SH3RF2: variants seen among roughly 807,000 people sequenced by gnomAD.
The protein encoded by SH3RF2 is E3 ubiquitin-protein ligase SH3RF2.
Under a neutral mutation model 59.0 loss-of-function variants are expected in SH3RF2, and 43 were observed. The ratio of observed to expected loss-of-function variants is 0.73; its 90% confidence interval spans 0.57 to 0.94. The LOEUF (loss-of-function observed/expected upper bound fraction) is 0.94, where lower values mean the gene tolerates loss of function less well. SH3RF2 is among the 40% of genes least tolerant of loss of function. The probability of loss-of-function intolerance (pLI) is 0.00; values close to 1 mark genes in which losing one functional copy is unlikely to be tolerated. For synonymous variants in SH3RF2, 391 were observed against 391.5 expected (o/e 1.00, Z 0.01); for missense variants, 930 against 940.1 (o/e 0.99, Z 0.14).
rs5871949 is a variant in SH3RF2 at position 145,986,002 on chromosome 5, CAAATAAATAAATAAAT to C, written c.379-14027_379-14012del. On this transcript the variant is annotated intron_variant, in intron 2 of 9. Coordinates refer to ENST00000359120, the MANE Select transcript of SH3RF2 (RefSeq NM_152550.4). ...CTGGGCAACAGAGCAAGACTTGTCT[CAAATAAATAAATAAAT>C]AAATAAATAAATAAATAAATAAATA... 6.3e-4 allele frequency among the ~76,000 whole-genome samples: 91 copies of C among 144,276 alleles called. No individual in the cohort carries two copies. The East Asian group carries it at 7.9e-3, about 13-fold the overall frequency. The allele number at this position is 144,276 out of a possible 152,430, so 94.7% of individuals were successfully genotyped here. A position where few individuals can be genotyped will look rare whatever the true frequency, so the allele number is the denominator to read the frequency against.
intron 5 of SH3RF2, among the ~76,000 whole-genome samples, chr5:146,043,481 G>A (rs1300950457): frequency 1.3e-5 from 2 of 152,230 alleles, no homozygotes; most frequent in East Asian, 3.9e-4. Flanking sequence ...CTTTACTGAG[G>A]TTTAATTATA....
intron 5 of SH3RF2, among the ~76,000 whole-genome samples, chr5:146,028,877 C>A (rs1479943836): frequency 1.3e-5 from 2 of 152,136 alleles, no homozygotes; most frequent in Admixed American, 1.3e-4. Context: ...CTTGCCTGTG[C>A]CCTGTCCCTG....
intron 2 of SH3RF2, among the ~76,000 whole-genome samples, chr5:145,963,978 GC>G (rs1295306622): frequency 2.6e-5 from 4 of 151,772 alleles, no homozygotes; most frequent in Admixed American, 2.6e-4. Context: ...GACTACAGGC[GC>G]CCGCCACCGC....
chr5:145,956,121 A>G (rs531342978), intron 2 of SH3RF2, among the ~76,000 whole-genome samples: 17 of 152,178 alleles, frequency 1.1e-4, no homozygotes, highest in African/African-American at 3.6e-4. Flanking sequence ...TGAATTTCTC[A>G]TAAGTTCTCA....
At chr5:145,944,358 A>C (rs62393705) in intron 2 of SH3RF2, among the ~76,000 whole-genome samples, 1 of 143,904 alleles carries the variant, frequency 6.9e-6, no homozygotes, top group Non-Finnish European at 1.5e-5. Flanking sequence ...TTTTTTTTAA[A>C]TTATGCTTTA....
chr5:145,998,629 G>A (rs1760264673), intron 2 of SH3RF2, among the ~76,000 whole-genome samples: 1 of 152,164 alleles, frequency 6.6e-6, no homozygotes, highest in African/African-American at 2.4e-5. Flanking sequence ...TATAAAAGTT[G>A]TATTTGGCTG....
chr5:145,938,717 A>C (rs1484969867), intron 2 of SH3RF2, among the ~76,000 whole-genome samples: 1 of 152,230 alleles, frequency 6.6e-6, no homozygotes, highest in East Asian at 1.9e-4. Flanking sequence ...GAAATTTCCA[A>C]ATGTCAGGTT....
chr5:145,961,562 G>A (rs1230417279), intron 2 of SH3RF2, among the ~76,000 whole-genome samples: 9 of 152,180 alleles, frequency 5.9e-5, no homozygotes, highest in Non-Finnish European at 8.8e-5. Context: ...TTGTTAAAAG[G>A]ATTGATCTGA....
intron 2 of SH3RF2, among the ~76,000 whole-genome samples, chr5:145,984,736 T>C (rs1759634567): frequency 6.6e-6 from 1 of 152,224 alleles, no homozygotes; most frequent in Admixed American, 6.5e-5. Context: ...AGTTCAGCTC[T>C]ATAGGCAGGC....
At chr5:146,026,276 T>C (rs1761526768) in intron 5 of SH3RF2, among the ~76,000 whole-genome samples, 1 of 152,326 alleles carries the variant, frequency 6.6e-6, no homozygotes, top group South Asian at 2.1e-4. Flanking sequence ...TATAACATCT[T>C]TGAGCCACAT....
intron 2 of SH3RF2, among the ~76,000 whole-genome samples, chr5:145,943,983 ATG>A (rs749342020): frequency 1.3e-5 from 2 of 152,148 alleles, no homozygotes; most frequent in Non-Finnish European, 2.9e-5. Flanking sequence ...GAGAGAAGAA[ATG>A]TGCCTATTCA....
At chr5:145,946,459 C>G (rs1758009445) in intron 2 of SH3RF2, among the ~76,000 whole-genome samples, 1 of 152,110 alleles carries the variant, frequency 6.6e-6, no homozygotes, top group Non-Finnish European at 1.5e-5. Flanking sequence ...TGAAATAACT[C>G]CTCATTATGC....
intron 8 of SH3RF2, among the ~76,000 whole-genome samples, chr5:146,059,390 C>T (rs1762799006): frequency 6.6e-6 from 1 of 151,962 alleles, no homozygotes; most frequent in African/African-American, 2.4e-5. Flanking sequence ...GTTTTCCTCT[C>T]TCCTCCTCTC....
Position 146,032,794 on chromosome 5 carries a change from G to A in SH3RF2, c.1060-14978G>A, listed in dbSNP as rs186752909. ...AAATCTCTTCTCAGGCGTCTTTGCA[G>A]AGTTCCAGAAATGGGGCAAACCCTT... On this transcript the variant is annotated intron_variant, in intron 5 of 9. Coordinates refer to ENST00000359120, the MANE Select transcript of SH3RF2 (RefSeq NM_152550.4). 3.3e-5 allele frequency among the ~76,000 whole-genome samples: 5 copies of A among 152,338 alleles called. No individual in the cohort carries two copies. The East Asian group carries it at 7.7e-4, about 24-fold the overall frequency.
At chr5:145,938,719 T>C (rs535036951) in intron 2 of SH3RF2, among the ~76,000 whole-genome samples, 2 of 152,352 alleles carry the variant, frequency 1.3e-5, no homozygotes, top group East Asian at 3.9e-4. Flanking sequence ...AATTTCCAAA[T>C]GTCAGGTTTT....
At chr5:145,973,191 G>T (rs1481608143) in intron 2 of SH3RF2, among the ~76,000 whole-genome samples, 1 of 152,150 alleles carries the variant, frequency 6.6e-6, no homozygotes, top group Non-Finnish European at 1.5e-5. Context: ...ATGTGCAAAG[G>T]CTCTAAGGTA....
chr5:146,064,352 C>T (rs1243067589), downstream of SH3RF2, among the ~76,000 whole-genome samples: 1 of 151,810 alleles, frequency 6.6e-6, no homozygotes. Context: ...ATGGAACTGA[C>T]GTGAGCAGGA....
At chr5:146,080,686 T>A (rs920306750) in exon 10 of SH3RF2, 2 of 152,222 alleles carry the variant, frequency 1.3e-5, no homozygotes, top group African/African-American at 4.8e-5. Flanking sequence ...TAATAATCCG[T>A]ATGGATTACT....
chr5:146,060,033 G>A lies in SH3RF2; in HGVS notation c.1723G>A (p.Ala575Thr). Reference sequence around the variant, plus strand: ...GGTGGTGGAGATGGGGTCCAAGCCTGCCCTCACGGGGGAGCCCGCCCTCAC... The same window carrying A: ...GGTGGTGGAGATGGGGTCCAAGCCTACCCTCACGGGGGAGCCCGCCCTCAC... ...AVVVEMGSKP[A>T]LTGEPALTCI... Residue 575 changes from alanine to threonine, a missense_variant, in exon 9 of 10, where the codon GCC becomes ACC. Ala to Thr is a moderately conservative substitution (Grantham distance 58). Transcript: ENST00000359120. 6.2e-7 allele frequency: 1 copy of A among 1,612,012 alleles called. No individual in the cohort carries two copies. The highest frequency in any genetic ancestry group is 8.5e-7 in the Non-Finnish European group (1 of 1,178,992).
Sources: allele counts gnomAD v4.1 joint callset (sites outside exome capture counted in the v4.1 genomes callset), GRCh38; gene constraint gnomAD v4.1.1; transcripts MANE v1.5; gene names NCBI Gene and HGNC (gene_info 2026-07-23, HGNC 2026-07-21).